ADAM10: variants seen among roughly 807,000 people sequenced by gnomAD.
ADAM10 encodes ADAM metallopeptidase domain 10, also known as disintegrin and metalloproteinase domain-containing protein 10.
Under a neutral mutation model 90.1 loss-of-function variants are expected in ADAM10, and 17 were observed. That is an observed-to-expected ratio of 0.19 (90% confidence interval 0.13 to 0.28). The LOEUF is 0.28. Among genes scored for constraint, ADAM10 ranks in the 10% least tolerant of loss-of-function variants. The pLI is 1.00. For missense variants in ADAM10, 610 were observed against 914.3 expected, an observed-to-expected ratio of 0.67 and a Z score of 4.29; for synonymous variants, 310 against 298.6, an observed-to-expected ratio of 1.04 and a Z score of -0.40.
chr15:58,747,711 A>G (rs1159516895), intron 1 of ADAM10: 1 of 152,226 alleles, frequency 6.6e-6, no homozygotes, highest in African/African-American at 2.4e-5. Flanking sequence ...CCTTTTAACC[A>G]ATGCTTAATG....
At chr15:58,655,706 A>AC (rs1896799446) in intron 5 of ADAM10, among the ~76,000 whole-genome samples, 1 of 56,900 alleles carries the variant, frequency 1.8e-5, no homozygotes, top group African/African-American at 1.5e-4. Context: ...GTATATATAT[A>AC]TATAGTATAT....
intron 1 of ADAM10, among the ~76,000 whole-genome samples, chr15:58,720,399 ATTTTATTTTTTTT>A (rs1898810636): frequency 3.8e-5 from 1 of 25,984 alleles, no homozygotes; most frequent in Non-Finnish European, 1.7e-4. Context: ...ATTTTATTTT[ATTTTATTTTTTTT>A]TTTTTTGAGA....
chr15:58,602,201 T>C (rs1194867592), intron 14 of ADAM10, among the ~76,000 whole-genome samples: 4 of 152,210 alleles, frequency 2.6e-5, no homozygotes, highest in Non-Finnish European at 5.9e-5. Context: ...CATGTCCTCA[T>C]CATTCTTTGA....
chr15:58,699,680 G>C (rs1317424183), intron 2 of ADAM10, among the ~76,000 whole-genome samples: 2 of 152,076 alleles, frequency 1.3e-5, no homozygotes, highest in African/African-American at 2.4e-5. Context: ...GCTGAGGTGG[G>C]AGGATCACCT....
At chr15:58,687,581 T>TAA (rs58319754) in intron 2 of ADAM10, among the ~76,000 whole-genome samples, 5 of 129,146 alleles carry the variant, frequency 3.9e-5, no homozygotes, top group Admixed American at 7.9e-5. Context: ...TAATTAATCA[T>TAA]AAAAAAAAAA....
intron 14 of ADAM10, among the ~76,000 whole-genome samples, chr15:58,607,764 AAAG>A (rs1243337083): frequency 6.6e-6 from 1 of 152,210 alleles, no homozygotes; most frequent in Non-Finnish European, 1.5e-5. Context: ...ATGATTTTTA[AAAG>A]GAGGGGAAAC....
chr15:58,708,362 TA>T (rs201729027), intron 2 of ADAM10, among the ~76,000 whole-genome samples: 10 of 147,980 alleles, frequency 6.8e-5, no homozygotes, highest in African/African-American at 7.4e-5. Flanking sequence ...TGGTGACAGA[TA>T]AAAAAAAAAT....
At chr15:58,710,399 A>C (rs1405321617) in intron 2 of ADAM10, among the ~76,000 whole-genome samples, 1 of 152,258 alleles carries the variant, frequency 6.6e-6, no homozygotes, top group Admixed American at 6.5e-5. Flanking sequence ...ACTTTTAGTC[A>C]TACAAAAATA....
rs200591714 is a variant in ADAM10, at chr15:58,726,593, G to A, written c.56-8866C>T. On this transcript the variant is annotated intron_variant, in intron 1 of 15. Coordinates refer to ENST00000260408, the MANE Select transcript of ADAM10 (RefSeq NM_001110.4). ...AAAAAAAAAAAAAAAAAAAAAAAAA[G>A]TATATTACTCCCGAAAAATGCAAGA... Among the ~76,000 whole-genome samples the A allele has an allele frequency of 9.2e-3, 384 of 41,874 alleles. 2 individuals are homozygous for A. Among genetic ancestry groups the A allele is most frequent in the East Asian group, 0.017 (18 of 1,042 alleles). The allele number at this position is 41,874 out of a possible 152,430, so 27.5% of individuals were successfully genotyped here. A position where few individuals can be genotyped will look rare whatever the true frequency, so the allele number is the denominator to read the frequency against.
intron 4 of ADAM10, among the ~76,000 whole-genome samples, chr15:58,674,232 T>C (rs143650874): frequency 7.2e-5 from 11 of 152,262 alleles, no homozygotes; most frequent in Admixed American, 2.6e-4. Context: ...GAGTCAACAA[T>C]ACCACTAAAT....
chr15:58,749,079 G>A, intron 1 of ADAM10: 1 of 398,670 alleles, frequency 2.5e-6, no homozygotes, highest in Non-Finnish European at 4.4e-6. Context: ...GAACGAGGAC[G>A]GCGAGACCGC....
At position 58,596,187 on chromosome 15, in the gene ADAM10, C is replaced by G. The variant is rs1219830134; in HGVS notation, c.*1360G>C. 2 of 151,818 alleles carry G rather than the reference C, an allele frequency of 1.3e-5. No individual in the cohort carries two copies. Among genetic ancestry groups the G allele is most frequent in the African/African-American group, 4.8e-5 (2 of 41,346 alleles). 9.4% of individuals were successfully genotyped at this position (151,818 alleles called of 1,614,324 possible). ...AGTCAGGAAAATCATAGCTTTACTT[C>G]TAGTTGAAGTGATGTAGTTGGAAAA... is the stretch of plus-strand genomic sequence containing the variant. On this transcript the variant is annotated 3_prime_UTR_variant, in exon 16 of 16. Coordinates refer to ENST00000260408, the MANE Select transcript of ADAM10 (RefSeq NM_001110.4).
rs1894986226 is a variant in ADAM10, at chr15:58,597,407, T to C, written c.*140A>G. 1 of 1,555,334 alleles carries C rather than the reference T, an allele frequency of 6.4e-7. No individual in the cohort carries two copies. Among genetic ancestry groups the C allele is most frequent in the Admixed American group, 2.0e-5 (1 of 51,194 alleles). On this transcript the variant is annotated 3_prime_UTR_variant, in exon 16 of 16. Transcript: ENST00000260408. ...AAAATTTAAGTAATTCCACCTGGTCTGAGGATATGATCTCTTGCCATTTTT... is the reference window on the plus strand; with the variant it reads ...AAAATTTAAGTAATTCCACCTGGTCCGAGGATATGATCTCTTGCCATTTTT...
chr15:58,611,619 A>G (rs1352018414), intron 12 of ADAM10, 189 bp downstream of exon 12: 2 of 594,964 alleles, frequency 3.4e-6, no homozygotes, highest in African/African-American at 1.9e-5. Context: ...CCACATGTAC[A>G]TGGAAAGATG....
chr15:58,607,759 T>G (rs1340180691), intron 14 of ADAM10, among the ~76,000 whole-genome samples: 6 of 152,142 alleles, frequency 3.9e-5, no homozygotes, highest in Non-Finnish European at 5.9e-5. Context: ...AGGCAATGAT[T>G]TTTAAAAGGA....
intron 5 of ADAM10, among the ~76,000 whole-genome samples, chr15:58,653,998 A>G (rs1044582524): frequency 6.6e-6 from 1 of 152,144 alleles, no homozygotes; most frequent in East Asian, 1.9e-4. Flanking sequence ...ATTGGCATAT[A>G]GTTGCTCAAA....
chr15:58,603,240 A>G (rs1478451898), intron 14 of ADAM10, among the ~76,000 whole-genome samples: 3 of 152,164 alleles, frequency 2.0e-5, no homozygotes, highest in African/African-American at 7.2e-5. Context: ...TTCATCCTCA[A>G]ATAACAGACC....
intron 8 of ADAM10, among the ~76,000 whole-genome samples, chr15:58,636,826 T>C (rs1896268627): frequency 1.3e-5 from 2 of 152,170 alleles, no homozygotes; most frequent in African/African-American, 4.8e-5. Flanking sequence ...AAATTAATAG[T>C]AGCATGCTGA....
At chr15:58,738,844 T>C (rs896983059) in intron 1 of ADAM10, among the ~76,000 whole-genome samples, 5 of 152,232 alleles carry the variant, frequency 3.3e-5, no homozygotes, top group East Asian at 3.8e-4. Flanking sequence ...GTGGGTTATA[T>C]TGAATCTTTT....
Sources: allele counts gnomAD v4.1 joint callset (sites outside exome capture counted in the v4.1 genomes callset), GRCh38; gene constraint gnomAD v4.1.1; transcripts MANE v1.5; gene names NCBI Gene and HGNC (gene_info 2026-07-23, HGNC 2026-07-21).